Variants in CDKL5 observed in about 807,000 individuals in gnomAD.
The protein encoded by CDKL5 is cyclin-dependent kinase-like 5.
A neutral mutation model predicts 61.7 loss-of-function variants in CDKL5; 8 were observed. The ratio of observed to expected loss-of-function variants is 0.13; its 90% confidence interval spans 0.08 to 0.23. The LOEUF (loss-of-function observed/expected upper bound fraction) is 0.23, where lower values mean the gene tolerates loss of function less well. Among genes scored for constraint, CDKL5 ranks in the 10% least tolerant of loss-of-function variants. The probability of loss-of-function intolerance (pLI) is 1.00; values close to 1 mark genes in which losing one functional copy is unlikely to be tolerated. For missense variants in CDKL5, 440 were observed against 734.5 expected (o/e 0.60, Z 4.63); for synonymous variants, 275 against 272.3 (o/e 1.01, Z -0.10).
At chrX:18,608,103 C>G (rs1272825176) in intron 12 of CDKL5, among the ~76,000 whole-genome samples, 1 of 111,008 alleles carries the variant, frequency 9.0e-6, no homozygotes, top group Admixed American at 9.6e-5. Context: ...GTTTTTTCCC[C>G]TCGGTGAACA....
chrX:18,505,698 G>A (rs1922554398), intron 1 of CDKL5, among the ~76,000 whole-genome samples: 1 of 112,262 alleles, frequency 8.9e-6, no homozygotes, highest in Non-Finnish European at 1.9e-5. Flanking sequence ...ATCCTATCAG[G>A]GGGCATATAA....
chrX:18,452,819 G>GT (rs757726659), intron 1 of CDKL5, among the ~76,000 whole-genome samples: 1,334 of 57,658 alleles, frequency 0.023, 415 homozygotes, highest in Middle Eastern at 0.038. Context: ...TAGTTCTCAA[G>GT]TTTTTTTTTT....
intron 1 of CDKL5, among the ~76,000 whole-genome samples, chrX:18,461,685 A>G (rs766224897): frequency 8.5e-4 from 95 of 112,148 alleles, no homozygotes; most frequent in African/African-American, 3.0e-3. Context: ...TAACAGAATA[A>G]AGGACAATGC....
At chrX:18,527,411 T>G (rs1923483517) in intron 3 of CDKL5, among the ~76,000 whole-genome samples, 1 of 112,011 alleles carries the variant, frequency 8.9e-6, no homozygotes, top group Non-Finnish European at 1.9e-5. Flanking sequence ...TGATCAATTT[T>G]CATATACACA....
chrX:18,481,138 C>T (rs1354057917), intron 1 of CDKL5, among the ~76,000 whole-genome samples: 1 of 110,329 alleles, frequency 9.1e-6, no homozygotes, highest in South Asian at 3.8e-4. Context: ...GGATGACAGG[C>T]GTGAGCCACT....
intron 1 of CDKL5, among the ~76,000 whole-genome samples, chrX:18,484,135 A>G (rs1921694488): frequency 8.9e-6 from 1 of 112,019 alleles, no homozygotes; most frequent in Non-Finnish European, 1.9e-5. Flanking sequence ...TCTCTCTATC[A>G]GATTCTGGAT....
chrX:18,504,932 CA>C (rs1287470678), intron 1 of CDKL5, among the ~76,000 whole-genome samples: 1,043 of 41,203 alleles, frequency 0.025, 9 homozygotes, highest in Middle Eastern at 0.14. Flanking sequence ...AACTCCGTCT[CA>C]AAAAAAAAAA....
Position 18,564,536 on chromosome X carries a change from T to G in CDKL5, c.145+14T>G. ...AGGACAGTGAAGGTAGATATATATA[T>G]ATATATATATATATCTGTATATATG... On this transcript the variant is annotated intron_variant, in intron 4 of 17. Transcript: ENST00000623535. The G allele has an allele frequency of 1.6e-6, 1 of 612,520 alleles. No homozygotes were observed. Among genetic ancestry groups the G allele is most frequent in the Non-Finnish European group, 2.3e-6 (1 of 433,057 alleles). The allele number at this position is 612,520 out of a possible 1,213,427, so 50.5% of individuals were successfully genotyped here.
At chrX:18,470,242 G>A (rs1423119474) in intron 1 of CDKL5, among the ~76,000 whole-genome samples, 3 of 107,717 alleles carry the variant, frequency 2.8e-5, no homozygotes, top group African/African-American at 3.4e-5. Flanking sequence ...AGGCTGAGAC[G>A]GGAGAAGCGC....
intron 1 of CDKL5, among the ~76,000 whole-genome samples, chrX:18,433,246 G>T (rs1931537868): frequency 9.5e-6 from 1 of 104,819 alleles, no homozygotes; most frequent in Non-Finnish European, 2.0e-5. Context: ...AAAAAGAAAA[G>T]AAAAGAAAAA....
Position 18,636,604 on chromosome X carries a change from T to C in CDKL5, c.*7847T>C, listed in dbSNP as rs992364054. The C allele has an allele frequency of 9.0e-6, 1 of 110,745 alleles. No individual in the cohort carries two copies. Among genetic ancestry groups the C allele is most frequent in the Non-Finnish European group, 1.9e-5 (1 of 53,031 alleles). 9.1% of individuals were successfully genotyped at this position (110,745 alleles called of 1,213,427 possible). A position where few individuals can be genotyped will look rare whatever the true frequency, so the allele number is the denominator to read the frequency against. On this transcript the variant is annotated 3_prime_UTR_variant, in exon 18 of 18. Transcript: ENST00000623535. ...GGTCACAATCAGTATTGTTTCTCTT[T>C]AGTAATTCAGATTTATTCAAGTAAC...
intron 1 of CDKL5, among the ~76,000 whole-genome samples, chrX:18,468,762 C>T (rs1920987815): frequency 9.0e-6 from 1 of 111,516 alleles, no homozygotes; most frequent in Admixed American, 9.6e-5. Flanking sequence ...GTTGGGTTTT[C>T]AGATACAATC....
intron 1 of CDKL5, among the ~76,000 whole-genome samples, chrX:18,450,234 G>T (rs1191807404): frequency 2.7e-5 from 3 of 112,178 alleles, no homozygotes; most frequent in Admixed American, 9.5e-5. Context: ...GATTTATTAT[G>T]TTCTGATTCT....
chrX:18,528,724 C>T (rs1294105557), intron 3 of CDKL5, among the ~76,000 whole-genome samples: 1 of 111,568 alleles, frequency 9.0e-6, no homozygotes, highest in African/African-American at 3.3e-5. Context: ...GCCTCCGCCT[C>T]CTAGGCTCAA....
intron 11 of CDKL5, among the ~76,000 whole-genome samples, chrX:18,600,750 G>C (rs1926152189): frequency 8.9e-6 from 1 of 111,825 alleles, no homozygotes; most frequent in African/African-American, 3.3e-5. Flanking sequence ...GATATGATTT[G>C]TTTGGGTCCT....
chrX:18,479,073 G>A (rs1274899083), intron 1 of CDKL5, among the ~76,000 whole-genome samples: 1 of 110,928 alleles, frequency 9.0e-6, no homozygotes, highest in African/African-American at 3.3e-5. Flanking sequence ...GGCTGGTCTT[G>A]AACTCCTGGC....
At chrX:18,451,781 C>A (rs1932023817) in intron 1 of CDKL5, among the ~76,000 whole-genome samples, 1 of 110,754 alleles carries the variant, frequency 9.0e-6, no homozygotes, top group Non-Finnish European at 1.9e-5. Context: ...TCAAAATGAT[C>A]CACTTGCCTC....
chrX:18,618,727 G>A (rs1926795295), intron 15 of CDKL5, among the ~76,000 whole-genome samples: 1 of 111,955 alleles, frequency 8.9e-6, no homozygotes, highest in African/African-American at 3.2e-5. Context: ...CCAGCACTTT[G>A]GGAGGCTGAG....
chrX:18,647,809 G>A (rs1211334962), intron 20 of CDKL5, among the ~76,000 whole-genome samples: 1 of 111,274 alleles, frequency 9.0e-6, no homozygotes, highest in East Asian at 2.8e-4. Context: ...CAAAACCACA[G>A]TGAGACGCAA....
Sources: gnomAD v4.1 joint callset for allele counts (sites outside exome capture counted in the v4.1 genomes callset) on GRCh38, gnomAD v4.1.1 for gene constraint, MANE v1.5 for transcripts, NCBI Gene and HGNC (gene_info 2026-07-23, HGNC 2026-07-21) for gene names.